Variants in ELOVL6 observed in about 807,000 individuals in gnomAD.
The protein encoded by ELOVL6 is ELOVL fatty acid elongase 6.
Under a neutral mutation model 31.7 loss-of-function variants are expected in ELOVL6, and 8 were observed. That is an observed-to-expected ratio of 0.25 (90% CI 0.15 to 0.45). ELOVL6 has a LOEUF of 0.45. ELOVL6 is among the 20% of genes least tolerant of loss of function. ELOVL6 has a pLI of 1.00. For missense variants in ELOVL6, 126 were observed against 326.4 expected, an observed-to-expected ratio of 0.39 and a Z score of 4.73; for synonymous variants, 101 against 117.7, an observed-to-expected ratio of 0.86 and a Z score of 0.92.
At chr4:110,110,380 A>G (rs1219485419) in intron 1 of ELOVL6, among the ~76,000 whole-genome samples, 1 of 151,016 alleles carries the variant, frequency 6.6e-6, no homozygotes, top group Non-Finnish European at 1.5e-5. Flanking sequence ...TACGTTAAAA[A>G]AAATGGAAAT....
At chr4:110,094,926 T>C (rs1756536661) in intron 2 of ELOVL6, among the ~76,000 whole-genome samples, 2 of 152,202 alleles carry the variant, frequency 1.3e-5, no homozygotes, top group South Asian at 4.1e-4. Context: ...CAACTATGTA[T>C]GCACTTGGTG....
chr4:110,066,573 AGC>A (rs1755308230), intron 2 of ELOVL6, among the ~76,000 whole-genome samples: 1 of 136,186 alleles, frequency 7.3e-6, no homozygotes, highest in African/African-American at 2.8e-5. Context: ...CAGGAGGGGG[AGC>A]CTGCAGTAAG....
intron 1 of ELOVL6, among the ~76,000 whole-genome samples, chr4:110,158,657 A>ATATATATATATTT: frequency 1.3e-5 from 1 of 74,162 alleles, no homozygotes; most frequent in Non-Finnish European, 2.3e-5. Context: ...ATATATATAT[A>ATATATATATATTT]TTTTTTTTTT....
chr4:110,053,632 C>A (rs766095504), intron 3 of ELOVL6, among the ~76,000 whole-genome samples: 1 of 152,080 alleles, frequency 6.6e-6, no homozygotes, highest in Non-Finnish European at 1.5e-5. Context: ...TGGCGAAACC[C>A]CATCTCTACT....
chr4:110,096,061 A>C (rs764477995), intron 2 of ELOVL6, among the ~76,000 whole-genome samples: 1 of 152,256 alleles, frequency 6.6e-6, no homozygotes, highest in Non-Finnish European at 1.5e-5. Flanking sequence ...AATCCTAAAA[A>C]TAAGAATTTG....
At chr4:110,196,811 G>A (rs1759808699) in intron 1 of ELOVL6, among the ~76,000 whole-genome samples, 4 of 152,054 alleles carry the variant, frequency 2.6e-5, no homozygotes, top group Admixed American at 2.0e-4. Context: ...GGCTCCGCCC[G>A]GCAGCCGCCG....
intron 2 of ELOVL6, among the ~76,000 whole-genome samples, chr4:110,094,755 G>A (rs1756530714): frequency 6.6e-6 from 1 of 152,014 alleles, no homozygotes; most frequent in African/African-American, 2.4e-5. Context: ...ATGTATGCAT[G>A]TTCACAGGTA....
chr4:110,155,548 C>T (rs1038196458), intron 1 of ELOVL6, among the ~76,000 whole-genome samples: 2 of 152,176 alleles, frequency 1.3e-5, no homozygotes, highest in Non-Finnish European at 2.9e-5. Context: ...TTTATCTATG[C>T]GATTGAGCTT....
chr4:110,081,214 A>G (rs1302714471), intron 2 of ELOVL6, among the ~76,000 whole-genome samples: 6 of 152,148 alleles, frequency 3.9e-5, no homozygotes, highest in Non-Finnish European at 7.3e-5. Flanking sequence ...GCTACCAATG[A>G]TTTTCTTCAC....
chr4:110,091,763 C>G (rs78179132), intron 2 of ELOVL6, among the ~76,000 whole-genome samples: 1 of 142,136 alleles, frequency 7.0e-6, no homozygotes, highest in Non-Finnish European at 1.5e-5. Context: ...CAAAAAGCCA[C>G]CCCTCTGTCT....
chr4:110,117,903 A>AAAAAAAAAATATATATATATATAT, intron 1 of ELOVL6: 3 of 6,500 alleles, frequency 4.6e-4, no homozygotes, highest in Non-Finnish European at 7.5e-4. Context: ...AAAAAAAAAA[A>AAAAAAAAAATATATATATATATAT]ATATATATAT....
At chr4:110,117,903 A>AAAAATATATATAT in intron 1 of ELOVL6, 1 of 6,504 alleles carries the variant, frequency 1.5e-4, no homozygotes, top group African/African-American at 3.3e-4. Flanking sequence ...AAAAAAAAAA[A>AAAAATATATATAT]ATATATATAT....
intron 1 of ELOVL6, among the ~76,000 whole-genome samples, chr4:110,122,751 T>C (rs1341582356): frequency 6.6e-6 from 1 of 152,212 alleles, no homozygotes; most frequent in Non-Finnish European, 1.5e-5. Flanking sequence ...AACTTTCCCC[T>C]GTGACACCCT....
chr4:110,059,976 T>G, intron 2 of ELOVL6: 1 of 418,884 alleles, frequency 2.4e-6, no homozygotes, highest in Non-Finnish European at 4.2e-6. Context: ...TTCCTCTTCA[T>G]CACTGTTCCA....
Position 110,158,594 on chromosome 4 carries a change from T to TAC in ELOVL6, c.89+39651_89+39652dup, listed in dbSNP as rs756748577. Among the ~76,000 whole-genome samples the TAC allele has an allele frequency of 2.1e-4, 30 of 143,970 alleles. 1 individual carries two copies. Among genetic ancestry groups the TAC allele is most frequent in the African/African-American group, 5.7e-4 (22 of 38,916 alleles). The allele number at this position is 143,970 out of a possible 152,430, so 94.4% of individuals were successfully genotyped here. On this transcript the variant is annotated intron_variant, in intron 1 of 3. Coordinates refer to ENST00000302274, the MANE Select transcript of ELOVL6 (RefSeq NM_024090.3). ...ACATCTATATATATATGTATATATA[T>TAC]ACACACACACACATATATATACACA...
At chr4:110,162,371 G>C in intron 1 of ELOVL6, among the ~76,000 whole-genome samples, 1 of 151,996 alleles carries the variant, frequency 6.6e-6, no homozygotes, top group East Asian at 1.9e-4. Flanking sequence ...TTTGAGACAG[G>C]GTCTCAATGT....
At chr4:110,166,666 G>C (rs533865700) in intron 1 of ELOVL6, among the ~76,000 whole-genome samples, 6 of 152,310 alleles carry the variant, frequency 3.9e-5, no homozygotes, top group African/African-American at 1.4e-4. Context: ...AGAAGGCAAT[G>C]AACACTGCCT....
intron 2 of ELOVL6, among the ~76,000 whole-genome samples, chr4:110,084,120 A>C (rs935286147): frequency 6.0e-5 from 5 of 83,150 alleles, no homozygotes; most frequent in Non-Finnish European, 1.0e-4. Context: ...TGATATATAT[A>C]ACATATATGT....
chr4:110,128,568 C>T (rs1757578775), intron 1 of ELOVL6, among the ~76,000 whole-genome samples: 1 of 152,100 alleles, frequency 6.6e-6, no homozygotes, highest in East Asian at 1.9e-4. Flanking sequence ...ACAGGAAGTT[C>T]CTGCATCTGT....
Sources: gnomAD v4.1 joint callset for allele counts (sites outside exome capture counted in the v4.1 genomes callset) on GRCh38, gnomAD v4.1.1 for gene constraint, MANE v1.5 for transcripts, NCBI Gene and HGNC (gene_info 2026-07-23, HGNC 2026-07-21) for gene names.